The following PTPN12 variants were observed in gnomAD, a reference collection of about 807,000 sequenced individuals.
The protein encoded by PTPN12 is protein tyrosine phosphatase non-receptor type 12.
PTPN12 carries 29 observed loss-of-function variants against 97.6 expected under a neutral mutation model. The observed-to-expected ratio is 0.30, with a 90% CI of 0.22 to 0.41. The LOEUF (loss-of-function observed/expected upper bound fraction) is 0.41. Among genes scored for constraint, PTPN12 ranks in the 10% least tolerant of loss-of-function variants. The pLI is 1.00. For missense variants in PTPN12, 819 were observed against 926.0 expected (o/e 0.88, Z 1.50); for synonymous variants, 327 against 300.4 (o/e 1.09, Z -0.91).
At chr7:77,586,229 T>C (rs1245121283) in intron 5 of PTPN12, among the ~76,000 whole-genome samples, 5 of 152,172 alleles carry the variant, frequency 3.3e-5, no homozygotes, top group Non-Finnish European at 7.4e-5. Flanking sequence ...GCTAGGATTA[T>C]AGACGTGAGC....
chr7:77,595,457 G>A (rs535750410), intron 6 of PTPN12, among the ~76,000 whole-genome samples: 14 of 152,184 alleles, frequency 9.2e-5, no homozygotes, highest in Non-Finnish European at 1.9e-4. Context: ...CTGGTTAGCA[G>A]GAGCTCAATC....
chr7:77,638,705 A>G lies in PTPN12; in HGVS notation c.2255A>G (p.Glu752Gly), dbSNP rs201192316. ...AGTGACAAGAGAGAACAAATATCAG[A>G]AAATCCAACAGAAGCCACAGATATT... is the stretch of plus-strand genomic sequence containing the variant. Reference protein sequence around the residue: ...TFSDKREQISENPTEATDIGF... With the variant: ...TFSDKREQISGNPTEATDIGF... Residue 752 changes from glutamate (E) to glycine (G), a missense_variant, in exon 17 of 18, where the codon GAA becomes GGA. Around this residue, in one of 5 missense-constraint regions of PTPN12, gnomAD observed 607 missense variants for 577.3 expected, o/e 1.05. Transcript: ENST00000248594. 148 of 1,606,972 alleles carry G rather than the reference A, an allele frequency of 9.2e-5. No homozygotes were observed. Among genetic ancestry groups the G allele is most frequent in the Non-Finnish European group, 1.1e-4 (135 of 1,177,890 alleles).
chr7:77,538,203 A>G (rs1806758874), intron 1 of PTPN12: 2 of 581,480 alleles, frequency 3.4e-6, no homozygotes, highest in Non-Finnish European at 4.3e-6. Flanking sequence ...ATGATCTCCA[A>G]CGCTTGGGAA....
At chr7:77,552,500 A>C (rs1414525581) in intron 1 of PTPN12, among the ~76,000 whole-genome samples, 1 of 152,164 alleles carries the variant, frequency 6.6e-6, no homozygotes, top group Non-Finnish European at 1.5e-5. Flanking sequence ...GAAGGTATAG[A>C]GGTTTTATCA....
At chr7:77,553,792 A>G (rs1299864133) in intron 1 of PTPN12, among the ~76,000 whole-genome samples, 1 of 151,384 alleles carries the variant, frequency 6.6e-6, no homozygotes, top group Non-Finnish European at 1.5e-5. Context: ...TACTGATAGC[A>G]TTGGATTAAT....
chr7:77,625,468 G>GCGCCCTCTCTCT, intron 12 of PTPN12, among the ~76,000 whole-genome samples: 1 of 24,760 alleles, frequency 4.0e-5, no homozygotes, highest in East Asian at 1.8e-3. Flanking sequence ...TGCCCAGGCT[G>GCGCCCTCTCTCT]CTCGCTCTCT....
chr7:77,639,992 G>T lies in PTPN12; in HGVS notation c.*712G>T, dbSNP rs956439299. ...TTCTTTAATATTTGAACTCAAGTGG[G>T]ATTAGAAGACTATCAAAATACATGT... On this transcript the variant is annotated 3_prime_UTR_variant, in exon 18 of 18. Coordinates refer to ENST00000248594, the MANE Select transcript of PTPN12 (RefSeq NM_002835.4). 6.6e-6 allele frequency: 1 copy of T among 152,100 alleles called. No homozygotes were observed. The highest frequency in any genetic ancestry group is 1.5e-5 in the Non-Finnish European group (1 of 67,948). 9.4% of individuals were successfully genotyped at this position (152,100 alleles called of 1,614,324 possible).
At chr7:77,585,683 T>A in intron 5 of PTPN12, 102 bp downstream of exon 5, 1 of 1,018,890 alleles carries the variant, frequency 9.8e-7, no homozygotes, top group Non-Finnish European at 1.5e-6. Context: ...TAGATACTTC[T>A]TTTATTTTGG....
intron 6 of PTPN12, among the ~76,000 whole-genome samples, chr7:77,593,620 G>C (rs1418914537): frequency 2.6e-5 from 4 of 152,216 alleles, no homozygotes; most frequent in African/African-American, 9.6e-5. Flanking sequence ...GCTTCAGGAG[G>C]CTGGTCCTTT....
intron 5 of PTPN12, among the ~76,000 whole-genome samples, chr7:77,590,437 A>T (rs1303641798): frequency 6.6e-6 from 1 of 152,188 alleles, no homozygotes; most frequent in Admixed American, 6.5e-5. Context: ...AAGTGTAAGT[A>T]TAGTGGCTCA....
At chr7:77,603,009 A>G (rs1036719358) in intron 8 of PTPN12, among the ~76,000 whole-genome samples, 4 of 152,222 alleles carry the variant, frequency 2.6e-5, no homozygotes, top group African/African-American at 9.6e-5. Context: ...CGTAATGCTC[A>G]TAATTAACGA....
intron 5 of PTPN12, among the ~76,000 whole-genome samples, chr7:77,591,637 A>G (rs1421600679): frequency 6.6e-6 from 1 of 152,250 alleles, no homozygotes. Context: ...CAAACATGCA[A>G]CAACTCTGTA....
chr7:77,614,365 A>G (rs1420528351), intron 11 of PTPN12, among the ~76,000 whole-genome samples: 2 of 152,176 alleles, frequency 1.3e-5, no homozygotes, highest in South Asian at 2.1e-4. Flanking sequence ...TTATAATTCT[A>G]TCATAGGCTC....
chr7:77,581,239 T>G (rs1208393424), intron 2 of PTPN12, among the ~76,000 whole-genome samples, 188 bp from the exon 3 acceptor site: 2 of 152,074 alleles, frequency 1.3e-5, no homozygotes, highest in Non-Finnish European at 2.9e-5. Flanking sequence ...AGGTGGTGGT[T>G]GTCTGAAAAT....
At position 77,537,579 on chromosome 7, in the gene PTPN12, C is replaced by G; in HGVS notation, c.33C>G (p.Ile11Met). 6.2e-7 allele frequency: 1 copy of G among 1,601,390 alleles called. No individual in the cohort carries two copies. The highest frequency in any genetic ancestry group is 8.5e-7 in the Non-Finnish European group (1 of 1,175,196). MEQVEILRKF[I>M]QRVQAMKSPD... Reference sequence around the variant, plus strand: ...AAGTGGAGATCCTGAGGAAATTCATCCAGAGGGTCCAGGCCATGAAGAGTC... The same window carrying G: ...AAGTGGAGATCCTGAGGAAATTCATGCAGAGGGTCCAGGCCATGAAGAGTC... Residue 11 changes from isoleucine (I) to methionine (M), a missense_variant, in exon 1 of 18, where the codon ATC becomes ATG. Ile to Met is a conservative substitution (Grantham distance 10). Around this residue, in one of 5 missense-constraint regions of PTPN12, gnomAD observed 59 missense variants for 42.2 expected, o/e 1.40. Transcript: ENST00000248594.
chr7:77,589,120 C>T (rs560212574), intron 5 of PTPN12, among the ~76,000 whole-genome samples: 5 of 152,158 alleles, frequency 3.3e-5, no homozygotes, highest in South Asian at 2.1e-4. Context: ...GTGATCCGAC[C>T]GCCTTTGTCT....
chr7:77,570,244 G>A (rs759178555), intron 1 of PTPN12, among the ~76,000 whole-genome samples: 2 of 152,134 alleles, frequency 1.3e-5, no homozygotes, highest in African/African-American at 2.4e-5. Flanking sequence ...TTAAATATCA[G>A]TATCACAAGT....
chr7:77,559,495 A>C (rs1472962365), intron 1 of PTPN12, among the ~76,000 whole-genome samples: 1 of 152,214 alleles, frequency 6.6e-6, no homozygotes, highest in African/African-American at 2.4e-5. Flanking sequence ...GTGATATAAT[A>C]AAGAAGTGAA....
chr7:77,602,642 G>A (rs1270481739), intron 8 of PTPN12, among the ~76,000 whole-genome samples: 1 of 151,506 alleles, frequency 6.6e-6, no homozygotes, highest in Non-Finnish European at 1.5e-5. Context: ...AAGAATATAG[G>A]TATCATTATA....
Sources: gnomAD v4.1 joint callset for allele counts (sites outside exome capture counted in the v4.1 genomes callset) on GRCh38, gnomAD v4.1.1 for gene constraint, gnomAD v4.1.1 regional missense constraint, MANE v1.5 for transcripts, NCBI Gene and HGNC (gene_info 2026-07-23, HGNC 2026-07-21) for gene names.